Variants in WIF1 observed in about 807,000 individuals in gnomAD.
WIF1 encodes the protein Wnt inhibitory factor 1.
Under a neutral mutation model 53.5 loss-of-function variants are expected in WIF1, and 35 were observed. The observed-to-expected ratio is 0.65, with a 90% confidence interval of 0.50 to 0.87. The LOEUF is 0.87. Ranked by LOEUF, WIF1 falls within the 40% of genes least tolerant of loss-of-function variation. The probability of loss-of-function intolerance (pLI) is 0.00; values close to 1 mark genes in which losing one functional copy is unlikely to be tolerated. For synonymous variants in WIF1, 171 were observed against 170.4 expected, an observed-to-expected ratio of 1.00 and a Z score of -0.03; for missense variants, 467 against 476.8, an observed-to-expected ratio of 0.98 and a Z score of 0.19.
Position 65,067,817 on chromosome 12 carries a change from A to G in WIF1, c.539-27T>C, listed in dbSNP as rs371622903. ...TTCAGCAGAGAGAAACAAAGCTTATATGGACACCCTTGAAATCATGTTGGG... is the reference window on the plus strand; with the variant it reads ...TTCAGCAGAGAGAAACAAAGCTTATGTGGACACCCTTGAAATCATGTTGGG... On this transcript the variant is annotated intron_variant, in intron 4 of 9. Transcript: ENST00000286574. The G allele has an allele frequency of 3.1e-6, 5 of 1,601,366 alleles. No individual in the cohort carries two copies. The African/African-American group carries it at 5.4e-5, about 17-fold the overall frequency.
intron 2 of WIF1, among the ~76,000 whole-genome samples, chr12:65,102,321 T>C (rs1883294047): frequency 6.6e-6 from 1 of 152,124 alleles, no homozygotes; most frequent in South Asian, 2.1e-4. Context: ...TGATCTTCAG[T>C]TGGCAAGCTG....
intron 2 of WIF1, among the ~76,000 whole-genome samples, chr12:65,115,718 TG>T (rs1172845451): frequency 3.9e-5 from 6 of 152,186 alleles, no homozygotes; most frequent in Non-Finnish European, 5.9e-5. Flanking sequence ...AGAGGAGGCA[TG>T]TCAGAAAATG....
chr12:65,085,680 C>T (rs1028852786), intron 2 of WIF1, among the ~76,000 whole-genome samples: 1 of 152,174 alleles, frequency 6.6e-6, no homozygotes, highest in African/African-American at 2.4e-5. Flanking sequence ...CCAACTTCTT[C>T]TGTTCTAGTC....
intron 2 of WIF1, among the ~76,000 whole-genome samples, chr12:65,106,649 A>G (rs966279227): frequency 2.0e-5 from 3 of 152,216 alleles, no homozygotes. Context: ...CCCATCCCAA[A>G]AATATTTTTT....
chr12:65,051,545 A>G (rs1327212356), intron 9 of WIF1, 75 bp from the exon 10 acceptor site: 5 of 1,434,256 alleles, frequency 3.5e-6, no homozygotes, highest in Non-Finnish European at 4.6e-6. Flanking sequence ...TAACCATTCA[A>G]ATGAAATCCA....
intron 3 of WIF1, among the ~76,000 whole-genome samples, chr12:65,075,983 T>C (rs1882854707): frequency 6.6e-6 from 1 of 152,168 alleles, no homozygotes; most frequent in African/African-American, 2.4e-5. Flanking sequence ...TTAATAGGAA[T>C]AAAAAATACC....
At chr12:65,078,893 G>A (rs183053411) in intron 2 of WIF1, among the ~76,000 whole-genome samples, 101 of 152,186 alleles carry the variant, frequency 6.6e-4, no homozygotes, top group African/African-American at 2.0e-3. Context: ...GGCCAGGCAC[G>A]GTGGCTCACA....
chr12:65,053,629 CT>C (rs1565747001), intron 9 of WIF1, among the ~76,000 whole-genome samples: 2 of 152,118 alleles, frequency 1.3e-5, no homozygotes, highest in South Asian at 2.1e-4. Context: ...AACCTCTTTC[CT>C]TTATACATTA....
At chr12:65,077,676 T>A (rs1411811664) in intron 3 of WIF1, 70 bp downstream of exon 3, 8 of 1,145,958 alleles carry the variant, frequency 7.0e-6, no homozygotes, top group Non-Finnish European at 1.0e-5. Flanking sequence ...TGTAGGACAT[T>A]TGCATCTTAA....
chr12:65,073,870 T>A (rs772414255), intron 3 of WIF1, among the ~76,000 whole-genome samples: 16 of 152,052 alleles, frequency 1.1e-4, no homozygotes, highest in Non-Finnish European at 2.4e-4. Context: ...AAAAAGACTA[T>A]GTGTGTGTGG....
chr12:65,111,509 C>T (rs1321839405), intron 2 of WIF1, among the ~76,000 whole-genome samples: 1 of 152,154 alleles, frequency 6.6e-6, no homozygotes, highest in Non-Finnish European at 1.5e-5. Flanking sequence ...GTCTCTATGC[C>T]TTGCCTCAAG....
chr12:65,070,808 C>T (rs564372936), intron 3 of WIF1, among the ~76,000 whole-genome samples: 1 of 152,236 alleles, frequency 6.6e-6, no homozygotes, highest in African/African-American at 2.4e-5. Flanking sequence ...TCAGTAAACT[C>T]ATCTTCATTT....
At chr12:65,083,779 TC>T (rs1338724852) in intron 2 of WIF1, 4 of 309,900 alleles carry the variant, frequency 1.3e-5, no homozygotes, top group South Asian at 8.2e-5. Flanking sequence ...CTTTTCCCTT[TC>T]CCTTTCCTTT....
chr12:65,111,055 G>C (rs1883422860), intron 2 of WIF1, among the ~76,000 whole-genome samples: 4 of 152,208 alleles, frequency 2.6e-5, no homozygotes, highest in Admixed American at 1.3e-4. Flanking sequence ...CCCTGAGGCA[G>C]GAAAGGTGAG....
chr12:65,072,659 T>G (rs1882801749), intron 3 of WIF1, among the ~76,000 whole-genome samples: 1 of 151,836 alleles, frequency 6.6e-6, no homozygotes, highest in Non-Finnish European at 1.5e-5. Flanking sequence ...CCATAGACAG[T>G]AGGAGATGTA....
chr12:65,077,678 G>C (rs1271571082), intron 3 of WIF1, 68 bp downstream of exon 3: 2 of 1,156,002 alleles, frequency 1.7e-6, no homozygotes, highest in Admixed American at 3.8e-5. Context: ...TAGGACATTT[G>C]CATCTTAAAT....
intron 2 of WIF1, among the ~76,000 whole-genome samples, chr12:65,098,515 C>A (rs918380324): frequency 6.6e-6 from 1 of 152,152 alleles, no homozygotes; most frequent in Non-Finnish European, 1.5e-5. Context: ...CCACACCAAC[C>A]ACTTCCGTTT....
chr12:65,051,226 G>A lies in WIF1; in HGVS notation c.*123C>T. 2 of 1,237,328 alleles carry A rather than the reference G, an allele frequency of 1.6e-6. No individual in the cohort carries two copies. The highest frequency in any genetic ancestry group is 1.1e-6 in the Non-Finnish European group (1 of 915,088). The allele number at this position is 1,237,328 out of a possible 1,614,324, so 76.6% of individuals were successfully genotyped here. On this transcript the variant is annotated 3_prime_UTR_variant, in exon 10 of 10. Transcript: ENST00000286574. ...AAATATCAGCTCAGTGATTTATAAT[G>A]AAGCTAATAAAATTCAGGCCAGTAT...
chr12:65,107,183 A>AT (rs1883363743), intron 2 of WIF1, among the ~76,000 whole-genome samples: 1 of 152,230 alleles, frequency 6.6e-6, no homozygotes, highest in Non-Finnish European at 1.5e-5. Context: ...GGTTACTGCT[A>AT]TAAGTGACAG....
Sources: allele counts gnomAD v4.1 joint callset (sites outside exome capture counted in the v4.1 genomes callset), GRCh38; gene constraint gnomAD v4.1.1; transcripts MANE v1.5; gene names NCBI Gene and HGNC (gene_info 2026-07-23, HGNC 2026-07-21).